LAMTOR3: variants seen among roughly 807,000 people sequenced by gnomAD.
LAMTOR3 encodes the protein ragulator complex protein LAMTOR3.
Under a neutral mutation model 20.3 loss-of-function variants are expected in LAMTOR3, and 14 were observed. The ratio of observed to expected loss-of-function variants is 0.69; its 90% CI spans 0.46 to 1.08. The LOEUF (loss-of-function observed/expected upper bound fraction) is 1.08. LAMTOR3 is among the 50% of genes least tolerant of loss of function. The pLI is 0.00. For synonymous variants in LAMTOR3, 40 were observed against 49.4 expected, an observed-to-expected ratio of 0.81 and a Z score of 0.80; for missense variants, 125 against 143.7, an observed-to-expected ratio of 0.87 and a Z score of 0.67.
intron 6 of LAMTOR3, among the ~76,000 whole-genome samples, chr4:99,883,318 A>G (rs1444499004): frequency 6.6e-6 from 1 of 152,018 alleles, no homozygotes; most frequent in Non-Finnish European, 1.5e-5. Context: ...TCAGTTTGGA[A>G]GAAAAAACAA....
rs1297154306 is a variant in LAMTOR3 at position 99,879,486 on chromosome 4, C to T, written c.*2508G>A. On this transcript the variant is annotated 3_prime_UTR_variant, in exon 7 of 7. Transcript: ENST00000499666. ...TATTATCTGCAAATAGAAATCTGGC[C>T]ACCTCATTTCTAAAAGACATTGTTT... is the stretch of plus-strand genomic sequence containing the variant. The T allele has an allele frequency of 6.6e-6, 1 of 152,040 alleles. No homozygotes were observed. Among genetic ancestry groups the T allele is most frequent in the Non-Finnish European group, 1.5e-5 (1 of 67,988 alleles). The allele number at this position is 152,040 out of a possible 1,614,324, so 9.4% of individuals were successfully genotyped here.
chr4:99,886,965 G>T (rs999204344), intron 4 of LAMTOR3, among the ~76,000 whole-genome samples: 1 of 147,232 alleles, frequency 6.8e-6, no homozygotes, highest in African/African-American at 2.5e-5. Flanking sequence ...GGGTGTCTGT[G>T]TGTATATCTA....
intron 2 of LAMTOR3, among the ~76,000 whole-genome samples, chr4:99,893,155 A>G (rs1438257030): frequency 6.6e-6 from 1 of 152,118 alleles, no homozygotes; most frequent in Non-Finnish European, 1.5e-5. Context: ...CTGTGACTAC[A>G]GAGGTATCAA....
intron 4 of LAMTOR3, 113 bp downstream of exon 4, chr4:99,887,183 C>T (rs376979349): frequency 5.0e-6 from 3 of 600,982 alleles, no homozygotes; most frequent in South Asian, 5.0e-5. Flanking sequence ...AGACCATCTC[C>T]CAAATTTACT....
Position 99,881,899 on chromosome 4 carries a change from C to CA in LAMTOR3, c.*94dup. Reference sequence around the variant, plus strand: ...TTGGAAAAAGGGGCCCTTTCTTGAGCACATGGATAAAAGTATTATTGTAGT... The same window carrying CA: ...TTGGAAAAAGGGGCCCTTTCTTGAGCAACATGGATAAAAGTATTATTGTAGT... On this transcript the variant is annotated 3_prime_UTR_variant, in exon 7 of 7. Coordinates refer to ENST00000499666, the MANE Select transcript of LAMTOR3 (RefSeq NM_021970.4). 1.3e-5 allele frequency: 11 copies of CA among 852,550 alleles called. No homozygotes were observed. In the South Asian group the frequency reaches 1.7e-4, roughly 13 times the overall value. The allele number at this position is 852,550 out of a possible 1,614,324, so 52.8% of individuals were successfully genotyped here.
chr4:99,891,217 T>C (rs938075361), intron 3 of LAMTOR3, among the ~76,000 whole-genome samples: 2 of 152,172 alleles, frequency 1.3e-5, no homozygotes, highest in African/African-American at 2.4e-5. Flanking sequence ...GTGGGGTATC[T>C]CTCCGTCCCA....
At chr4:99,894,141 G>C in intron 1 of LAMTOR3, 141 bp from the exon 2 acceptor site, 1 of 480,060 alleles carries the variant, frequency 2.1e-6, no homozygotes. Context: ...AGCCCAGTGG[G>C]AGTCGGAGTG....
chr4:99,893,558 T>C (rs756246221), intron 2 of LAMTOR3, among the ~76,000 whole-genome samples: 9 of 152,278 alleles, frequency 5.9e-5, no homozygotes, highest in Non-Finnish European at 1.2e-4. Flanking sequence ...CCAAATGAGA[T>C]ATTGTTATCA....
chr4:99,887,673 T>A (rs1465582556), intron 3 of LAMTOR3, among the ~76,000 whole-genome samples: 3 of 152,286 alleles, frequency 2.0e-5, no homozygotes, highest in Admixed American at 2.0e-4. Context: ...GGGGCTATAG[T>A]GACAAAAAAC....
At chr4:99,887,622 G>C (rs1005948657) in intron 3 of LAMTOR3, among the ~76,000 whole-genome samples, 6 of 152,134 alleles carry the variant, frequency 3.9e-5, no homozygotes, top group Admixed American at 6.5e-5. Context: ...ACTAATGAAT[G>C]ATCAGTCCAT....
At chr4:99,885,278 G>A (rs1038142959) in intron 5 of LAMTOR3, among the ~76,000 whole-genome samples, 2 of 152,088 alleles carry the variant, frequency 1.3e-5, no homozygotes, top group Non-Finnish European at 2.9e-5. Flanking sequence ...ATCTACTGGA[G>A]GTAACAGTGA....
chr4:99,893,208 C>T (rs1278379765), intron 2 of LAMTOR3, among the ~76,000 whole-genome samples: 3 of 151,716 alleles, frequency 2.0e-5, no homozygotes, highest in Non-Finnish European at 4.4e-5. Flanking sequence ...AGAACGGGGT[C>T]TTGCTATGTT....
chr4:99,887,507 C>A (rs879464736), intron 3 of LAMTOR3, among the ~76,000 whole-genome samples, 153 bp from the exon 4 acceptor site: 5 of 152,030 alleles, frequency 3.3e-5, no homozygotes, highest in Admixed American at 6.5e-5. Flanking sequence ...CCAAAATTCT[C>A]CCAGAAATTG....
intron 2 of LAMTOR3, among the ~76,000 whole-genome samples, chr4:99,892,475 T>C (rs926531212): frequency 6.6e-6 from 1 of 152,204 alleles, no homozygotes; most frequent in African/African-American, 2.4e-5. Context: ...CTTAATGGTC[T>C]TGGGTAAGGT....
At chr4:99,893,455 T>A (rs1274073349) in intron 2 of LAMTOR3, among the ~76,000 whole-genome samples, 2 of 152,032 alleles carry the variant, frequency 1.3e-5, no homozygotes, top group African/African-American at 4.8e-5. Context: ...CAAACCCGAC[T>A]GATCATTTTA....
intron 2 of LAMTOR3, among the ~76,000 whole-genome samples, chr4:99,893,437 C>T (rs1013925399): frequency 6.6e-5 from 10 of 152,124 alleles, no homozygotes; most frequent in African/African-American, 2.4e-4. Context: ...CCAGCACTTA[C>T]TATTCTCCAA....
At chr4:99,892,695 T>C (rs939057630) in intron 2 of LAMTOR3, among the ~76,000 whole-genome samples, 5 of 151,772 alleles carry the variant, frequency 3.3e-5, no homozygotes, top group Non-Finnish European at 5.9e-5. Context: ...TTTTTTTTTT[T>C]GAGACGGAGT....
chr4:99,883,994 A>G, intron 6 of LAMTOR3, 68 bp downstream of exon 6: 1 of 1,114,784 alleles, frequency 9.0e-7, no homozygotes, highest in Non-Finnish European at 1.3e-6. Flanking sequence ...TCTTAAATTA[A>G]GGTATGGTAA....
chr4:99,893,107 T>A (rs529095963), intron 2 of LAMTOR3, among the ~76,000 whole-genome samples: 22 of 152,362 alleles, frequency 1.4e-4, no homozygotes, highest in Non-Finnish European at 3.1e-4. Context: ...TTCCAACTTC[T>A]GGGCTCAAGC....
Sources: gnomAD v4.1 joint callset for allele counts (sites outside exome capture counted in the v4.1 genomes callset) on GRCh38, gnomAD v4.1.1 for gene constraint, MANE v1.5 for transcripts, NCBI Gene and HGNC (gene_info 2026-07-23, HGNC 2026-07-21) for gene names.